KCNJ15: variants seen among roughly 807,000 people sequenced by gnomAD.
KCNJ15 encodes potassium inwardly rectifying channel subfamily J member 15, also known as ATP-sensitive inward rectifier potassium channel 15.
In KCNJ15, 14 loss-of-function variants were observed where a neutral mutation model predicts 23.0. The ratio of observed to expected loss-of-function variants is 0.61; its 90% CI spans 0.40 to 0.95. KCNJ15 has a LOEUF of 0.95. KCNJ15 is among the 40% of genes least tolerant of loss of function. KCNJ15 has a pLI of 0.00. For synonymous variants in KCNJ15, 185 were observed against 183.2 expected (o/e 1.01, Z -0.08); for missense variants, 388 against 461.8 (o/e 0.84, Z 1.46).
intron 1 of KCNJ15, among the ~76,000 whole-genome samples, chr21:38,284,021 C>T (rs965744780): frequency 7.9e-5 from 12 of 152,162 alleles, no homozygotes; most frequent in African/African-American, 2.4e-4. Flanking sequence ...AAATTCCACT[C>T]GTTGGCTTAT....
chr21:38,262,512 G>A lies in KCNJ15; in HGVS notation c.-117+5327G>A, dbSNP rs192182850. Among the ~76,000 whole-genome samples the A allele has an allele frequency of 7.8e-4, 118 of 152,196 alleles. 1 individual carries two copies. The highest frequency in any genetic ancestry group is 2.7e-3 in the African/African-American group (113 of 41,528). ...GTAGGTATAGAGAGGCTATCCCAAT[G>A]TCAACAACATCAGAATACAATGGTA... On this transcript the variant is annotated intron_variant, in intron 1 of 2. Coordinates refer to ENST00000398938, the MANE Select transcript of KCNJ15 (RefSeq NM_170736.3).
At chr21:38,257,456 CG>C (rs1420820855) in intron 1 of KCNJ15, among the ~76,000 whole-genome samples, 4 of 152,032 alleles carry the variant, frequency 2.6e-5, no homozygotes, top group African/African-American at 9.7e-5. Flanking sequence ...GGTGGGTGTA[CG>C]GGGGTCTAGC....
chr21:38,252,702 G>A (rs1979919560), upstream of KCNJ15, among the ~76,000 whole-genome samples: 2 of 152,164 alleles, frequency 1.3e-5, no homozygotes, highest in African/African-American at 4.8e-5. Context: ...GGAGGAGGAT[G>A]GGAATATTGA....
intron 1 of KCNJ15, among the ~76,000 whole-genome samples, chr21:38,237,607 G>A (rs1048061605): frequency 3.9e-5 from 6 of 152,156 alleles, no homozygotes; most frequent in African/African-American, 7.2e-5. Context: ...GGAGGTGAGC[G>A]GGGGGGCAGG....
At chr21:38,230,968 T>C (rs1988720440) in intron 1 of KCNJ15, among the ~76,000 whole-genome samples, 1 of 152,068 alleles carries the variant, frequency 6.6e-6, no homozygotes, top group Admixed American at 6.5e-5. Context: ...CCATTTGGAA[T>C]TTTGATAGGT....
intron 1 of KCNJ15, among the ~76,000 whole-genome samples, chr21:38,245,830 G>A (rs912752913): frequency 7.2e-5 from 11 of 152,038 alleles, no homozygotes; most frequent in Admixed American, 3.3e-4. Context: ...TGCCTTTTTT[G>A]TGGTGTGAAC....
chr21:38,231,495 A>T (rs564668366), intron 1 of KCNJ15, among the ~76,000 whole-genome samples: 13 of 152,076 alleles, frequency 8.5e-5, no homozygotes, highest in East Asian at 7.7e-4. Flanking sequence ...AAGTAGTGAG[A>T]GTGGACACAC....
chr21:38,252,005 G>C (rs1343690580), upstream of KCNJ15, among the ~76,000 whole-genome samples: 1 of 152,164 alleles, frequency 6.6e-6, no homozygotes, highest in Non-Finnish European at 1.5e-5. Context: ...TCCAGTGGGA[G>C]GCTAGAGGTT....
chr21:38,294,016 C>T (rs919749446), intron 1 of KCNJ15, among the ~76,000 whole-genome samples: 1 of 152,056 alleles, frequency 6.6e-6, no homozygotes, highest in African/African-American at 2.4e-5. Flanking sequence ...GGTGCATGTG[C>T]TCCTGTGACC....
chr21:38,288,918 A>T (rs949067829), intron 1 of KCNJ15, among the ~76,000 whole-genome samples: 1 of 152,090 alleles, frequency 6.6e-6, no homozygotes, highest in Non-Finnish European at 1.5e-5. Context: ...AAACACATTA[A>T]GCCGGGCGCG....
chr21:38,240,383 G>A (rs1978912542), intron 1 of KCNJ15, among the ~76,000 whole-genome samples: 1 of 152,182 alleles, frequency 6.6e-6, no homozygotes, highest in South Asian at 2.1e-4. Context: ...AAGTAGCTAG[G>A]AAGTTCTGAA....
At position 38,304,532 on chromosome 21, in the gene KCNJ15, G is replaced by A. The variant is rs1371599839; in HGVS notation, c.*4143G>A. On this transcript the variant is annotated 3_prime_UTR_variant, in exon 3 of 3. Transcript: ENST00000398938. The stretch of plus-strand genomic sequence containing the variant: ...ATCTAGTCTCTGATTGTTAAACTCT[G>A]GGTAGGTACAAGAGGCTCTTAATTT... 1.3e-5 allele frequency: 2 copies of A among 151,566 alleles called. No individual in the cohort carries two copies. The highest frequency in any genetic ancestry group is 2.9e-5 in the Non-Finnish European group (2 of 67,928). The allele number at this position is 151,566 out of a possible 1,614,324, so 9.4% of individuals were successfully genotyped here.
rs1986049098 is a variant in KCNJ15, at chr21:38,306,182, A to G, written c.*5793A>G. ...TTTTGTTTGGTTAGCAACCCTTGCC[A>G]CATGATGTAGTACTTAGCTATAATT... is the stretch of plus-strand genomic sequence containing the variant. On this transcript the variant is annotated 3_prime_UTR_variant, in exon 3 of 3. Coordinates refer to ENST00000398938, the MANE Select transcript of KCNJ15 (RefSeq NM_170736.3). The G allele has an allele frequency of 6.6e-6, 1 of 152,248 alleles. No homozygotes were observed. 9.4% of individuals were successfully genotyped at this position (152,248 alleles called of 1,614,324 possible).
intron 1 of KCNJ15, among the ~76,000 whole-genome samples, chr21:38,279,579 C>A (rs1983106655): frequency 6.6e-6 from 1 of 152,114 alleles, no homozygotes. Context: ...TATTTGCCAG[C>A]TGAGTTGTAA....
intron 1 of KCNJ15, among the ~76,000 whole-genome samples, chr21:38,292,180 C>A (rs1321140641): frequency 1.3e-5 from 2 of 152,152 alleles, no homozygotes; most frequent in Admixed American, 6.5e-5. Flanking sequence ...TTTGTGAATG[C>A]ATGTAAATTA....
chr21:38,243,702 G>C (rs915069809), intron 1 of KCNJ15, among the ~76,000 whole-genome samples: 1 of 152,200 alleles, frequency 6.6e-6, no homozygotes, highest in Non-Finnish European at 1.5e-5. Context: ...GATTATAGGC[G>C]TGAGCCACCA....
intron 1 of KCNJ15, among the ~76,000 whole-genome samples, chr21:38,233,162 C>A (rs60215333): frequency 3.1e-4 from 47 of 152,054 alleles, no homozygotes; most frequent in African/African-American, 1.1e-3. Flanking sequence ...ATAATTATTA[C>A]CTTTTTCTCA....
At chr21:38,245,302 C>A (rs182823911) in intron 1 of KCNJ15, among the ~76,000 whole-genome samples, 1 of 151,730 alleles carries the variant, frequency 6.6e-6, no homozygotes, top group Non-Finnish European at 1.5e-5. Context: ...GATGTCCAGG[C>A]CCCACCCCAG....
At chr21:38,298,745 TACAC>T (rs1792220124) in intron 2 of KCNJ15, among the ~76,000 whole-genome samples, 1 of 152,334 alleles carries the variant, frequency 6.6e-6, no homozygotes, top group East Asian at 1.9e-4. Context: ...GTACTGGACT[TACAC>T]TCAGTCAAAT....
Sources: allele counts gnomAD v4.1 joint callset (sites outside exome capture counted in the v4.1 genomes callset), GRCh38; gene constraint gnomAD v4.1.1; transcripts MANE v1.5; gene names NCBI Gene and HGNC (gene_info 2026-07-23, HGNC 2026-07-21).